The following KIAA0825 variants were observed in gnomAD, a reference collection of about 807,000 sequenced individuals.
KIAA0825 encodes the protein KIAA0825, also known as uncharacterized protein KIAA0825.
KIAA0825 carries 119 observed loss-of-function variants against 147.6 expected under a neutral mutation model. The ratio of observed to expected loss-of-function variants is 0.81; its 90% CI spans 0.69 to 0.94. The LOEUF (loss-of-function observed/expected upper bound fraction) is 0.94, where lower values mean the gene tolerates loss of function less well. Ranked by LOEUF, KIAA0825 falls within the 40% of genes least tolerant of loss-of-function variation. The pLI, the probability that KIAA0825 is intolerant of heterozygous loss-of-function variation, is 0.00. For missense variants in KIAA0825, 1,381 were observed against 1,472.7 expected (o/e 0.94, Z 1.02); for synonymous variants, 470 against 518.1 (o/e 0.91, Z 1.26).
At chr5:94,298,819 T>G (rs955295741) in intron 20 of KIAA0825, among the ~76,000 whole-genome samples, 4 of 152,336 alleles carry the variant, frequency 2.6e-5, no homozygotes, top group African/African-American at 9.6e-5. Flanking sequence ...TACGTTCATC[T>G]TGTGCTTGAG....
intron 20 of KIAA0825, among the ~76,000 whole-genome samples, chr5:94,188,567 T>C (rs932662318): frequency 2.0e-5 from 3 of 152,166 alleles, no homozygotes; most frequent in Middle Eastern, 3.2e-3. Flanking sequence ...TCACTTAGCA[T>C]GTTTTTGAGA....
chr5:94,172,231 G>A (rs932464837), intron 20 of KIAA0825, among the ~76,000 whole-genome samples: 3 of 152,162 alleles, frequency 2.0e-5, no homozygotes, highest in Non-Finnish European at 4.4e-5. Flanking sequence ...TCTTGGACTT[G>A]AACTCAGGAC....
chr5:94,220,143 C>G (rs1222333594), intron 20 of KIAA0825, among the ~76,000 whole-genome samples: 1 of 151,972 alleles, frequency 6.6e-6, no homozygotes, highest in Non-Finnish European at 1.5e-5. Context: ...TTTTTTACTT[C>G]TGAAATTTTT....
At chr5:94,179,192 A>G (rs971192839) in intron 20 of KIAA0825, among the ~76,000 whole-genome samples, 5 of 152,090 alleles carry the variant, frequency 3.3e-5, no homozygotes, top group Admixed American at 1.3e-4. Context: ...TGCTCTGCAG[A>G]GAAGGCAGTG....
intron 20 of KIAA0825, among the ~76,000 whole-genome samples, chr5:94,381,479 G>C (rs1050603733): frequency 6.6e-5 from 10 of 152,144 alleles, no homozygotes; most frequent in African/African-American, 2.4e-4. Context: ...AATTGCATTA[G>C]GTATTGAAAG....
intron 20 of KIAA0825, among the ~76,000 whole-genome samples, chr5:94,283,001 C>T (rs144362063): frequency 1.3e-4 from 20 of 152,068 alleles, no homozygotes; most frequent in Middle Eastern, 3.4e-3. Flanking sequence ...TAATATAAAA[C>T]GATTCTCAGC....
chr5:94,345,083 A>T (rs1782843150), intron 20 of KIAA0825, among the ~76,000 whole-genome samples: 1 of 152,156 alleles, frequency 6.6e-6, no homozygotes, highest in Admixed American at 6.5e-5. Context: ...TTACCATAAA[A>T]AAAAAAGTCT....
chr5:94,457,333 A>G (rs1445988167), intron 12 of KIAA0825, among the ~76,000 whole-genome samples: 1 of 152,234 alleles, frequency 6.6e-6, no homozygotes, highest in Non-Finnish European at 1.5e-5. Flanking sequence ...ATAGGATTAT[A>G]TTTTCCACAA....
At chr5:94,611,210 C>A (rs944876106) in intron 1 of KIAA0825, among the ~76,000 whole-genome samples, 8 of 152,204 alleles carry the variant, frequency 5.3e-5, no homozygotes, top group Non-Finnish European at 8.8e-5. Context: ...AAAGAAAAAG[C>A]CCTAAATTTA....
intron 20 of KIAA0825, among the ~76,000 whole-genome samples, chr5:94,235,143 C>T (rs1774971174): frequency 6.6e-6 from 1 of 152,124 alleles, no homozygotes; most frequent in Admixed American, 6.6e-5. Context: ...AATGATTAAG[C>T]TTAGTGAGGG....
chr5:94,430,070 G>C (rs1755462058), intron 14 of KIAA0825, among the ~76,000 whole-genome samples: 2 of 152,086 alleles, frequency 1.3e-5, no homozygotes, highest in South Asian at 4.1e-4. Flanking sequence ...CACAGGAGGG[G>C]TGGGGCAACT....
chr5:94,236,415 A>G (rs1775041305), intron 20 of KIAA0825, among the ~76,000 whole-genome samples: 1 of 152,236 alleles, frequency 6.6e-6, no homozygotes, highest in Non-Finnish European at 1.5e-5. Context: ...ATAAAGCTTG[A>G]AAAGATGAGG....
intron 1 of KIAA0825, chr5:94,594,632 C>T (rs1200984061): frequency 6.2e-6 from 4 of 643,170 alleles, no homozygotes; most frequent in Middle Eastern, 4.5e-4. Flanking sequence ...ATATCCTTCA[C>T]ATAAAAGGAA....
intron 20 of KIAA0825, among the ~76,000 whole-genome samples, chr5:94,272,099 G>A (rs1259597411): frequency 1.2e-5 from 1 of 83,578 alleles, no homozygotes; most frequent in Non-Finnish European, 2.1e-5. Flanking sequence ...TCACTTATTT[G>A]TAGGAGCAAA....
intron 5 of KIAA0825, among the ~76,000 whole-genome samples, chr5:94,515,135 A>G (rs1202925727): frequency 6.6e-6 from 1 of 152,222 alleles, no homozygotes; most frequent in Non-Finnish European, 1.5e-5. Context: ...GATTTATTTA[A>G]CCAAAATTTA....
At chr5:94,385,600 A>G (rs1584334232) in intron 19 of KIAA0825, among the ~76,000 whole-genome samples, 1 of 152,230 alleles carries the variant, frequency 6.6e-6, no homozygotes, top group African/African-American at 2.4e-5. Context: ...TTATATTTCA[A>G]ATACTTTGGC....
At chr5:94,460,267 C>T (rs888750332) in intron 12 of KIAA0825, among the ~76,000 whole-genome samples, 24 of 152,006 alleles carry the variant, frequency 1.6e-4, no homozygotes, top group African/African-American at 5.8e-4. Flanking sequence ...CAGCATGTTC[C>T]TTTCCCTGGA....
intron 1 of KIAA0825, among the ~76,000 whole-genome samples, chr5:94,583,344 G>C (rs1354107552): frequency 1.3e-5 from 2 of 152,244 alleles, no homozygotes; most frequent in African/African-American, 2.4e-5. Context: ...TGGCAGACCA[G>C]AAGATTCCCT....
intron 20 of KIAA0825, among the ~76,000 whole-genome samples, chr5:94,220,495 C>T (rs899158707): frequency 6.6e-6 from 1 of 152,110 alleles, no homozygotes; most frequent in Non-Finnish European, 1.5e-5. Flanking sequence ...TGCTATACTG[C>T]ACTTTTATAT....
Sources: allele counts gnomAD v4.1 joint callset (sites outside exome capture counted in the v4.1 genomes callset), GRCh38; gene constraint gnomAD v4.1.1; transcripts MANE v1.5; gene names NCBI Gene and HGNC (gene_info 2026-07-23, HGNC 2026-07-21).